Variants in C1orf87 observed in about 807,000 individuals in gnomAD.
C1orf87 encodes uncharacterized protein C1orf87.
C1orf87 carries 58 observed loss-of-function variants against 60.5 expected under a neutral mutation model. The observed-to-expected ratio is 0.96, with a 90% CI of 0.78 to 1.19. The LOEUF is 1.19. C1orf87 is among the 50% of genes most tolerant of loss of function. The pLI is 0.00. For synonymous variants in C1orf87, 236 were observed against 227.4 expected (o/e 1.04, Z -0.34); for missense variants, 673 against 638.6 (o/e 1.05, Z -0.58).
At chr1:60,003,534 A>G (rs1645022642) in intron 9 of C1orf87, among the ~76,000 whole-genome samples, 1 of 152,132 alleles carries the variant, frequency 6.6e-6, no homozygotes, top group South Asian at 2.1e-4. Context: ...GCGACTGTTC[A>G]GTGAATGTTA....
chr1:60,023,800 A>T lies in C1orf87; in HGVS notation c.1127+1601T>A, dbSNP rs200639213. On this transcript the variant is annotated intron_variant, in intron 8 of 11. Transcript: ENST00000371201. ...TTCTTATGTTCTTGTTGGCTGGGACAGTTACTCAGATCTTCCTCATTTTTA... is the reference window on the plus strand; with the variant it reads ...TTCTTATGTTCTTGTTGGCTGGGACTGTTACTCAGATCTTCCTCATTTTTA... Among the ~76,000 whole-genome samples, 8 of 152,184 alleles carry T rather than the reference A, an allele frequency of 5.3e-5. No homozygotes were observed. The East Asian group carries it at 1.5e-3, about 29-fold the overall frequency.
intron 3 of C1orf87, among the ~76,000 whole-genome samples, chr1:60,044,786 A>G (rs1178084254): frequency 6.6e-6 from 1 of 152,204 alleles, no homozygotes; most frequent in Non-Finnish European, 1.5e-5. Context: ...TTGTCAGAGC[A>G]CCTATGAAGT....
intron 8 of C1orf87, among the ~76,000 whole-genome samples, chr1:60,014,784 G>A (rs1223507235): frequency 6.6e-6 from 1 of 151,962 alleles, no homozygotes; most frequent in East Asian, 1.9e-4. Flanking sequence ...ACTTATTTTT[G>A]CTTGGCTTTT....
chr1:59,994,965 T>C (rs1292959329), intron 11 of C1orf87, among the ~76,000 whole-genome samples: 1 of 152,188 alleles, frequency 6.6e-6, no homozygotes, highest in African/African-American at 2.4e-5. Context: ...AAGACAGTTG[T>C]AGATTTTCCC....
intron 3 of C1orf87, 21 bp from the exon 4 acceptor site, chr1:60,041,152 G>C: frequency 6.6e-7 from 1 of 1,520,910 alleles, no homozygotes; most frequent in Non-Finnish European, 8.9e-7. Context: ...CAAGGACAAA[G>C]GGAAGCAAGG....
rs1347451079 is a variant in C1orf87 at position 60,033,470 on chromosome 1, G to C, written c.1029+6C>G. 7 of 1,611,378 alleles carry C rather than the reference G, an allele frequency of 4.3e-6. No homozygotes were observed. Among genetic ancestry groups the C allele is most frequent in the Admixed American group, 1.7e-5 (1 of 59,850 alleles). ...AGGAACAAATCTGAAATTGAATTTT[G>C]GTTACCTTAGGTAGAGGGAGGCAGC... On this transcript the variant is annotated splice_donor_region_variant and intron_variant, in intron 7 of 11. Transcript: ENST00000371201.
chr1:60,065,631 C>T (rs1253652258), intron 2 of C1orf87, among the ~76,000 whole-genome samples: 2 of 151,980 alleles, frequency 1.3e-5, no homozygotes, highest in African/African-American at 2.4e-5. Flanking sequence ...AGTAGGTGCT[C>T]AGTTAATATT....
At chr1:60,012,807 G>A (rs182546612) in intron 8 of C1orf87, among the ~76,000 whole-genome samples, 6 of 152,264 alleles carry the variant, frequency 3.9e-5, no homozygotes, top group South Asian at 4.1e-4. Flanking sequence ...GGGCATGTAA[G>A]TGACTTGTCC....
At chr1:60,030,474 A>T (rs1268221745) in intron 7 of C1orf87, among the ~76,000 whole-genome samples, 1 of 152,168 alleles carries the variant, frequency 6.6e-6, no homozygotes, top group African/African-American at 2.4e-5. Flanking sequence ...GGCTATCAGT[A>T]AGGGGACTCC....
intron 5 of C1orf87, among the ~76,000 whole-genome samples, chr1:60,038,970 A>G (rs1022488614): frequency 5.3e-5 from 8 of 152,200 alleles, no homozygotes; most frequent in Non-Finnish European, 1.2e-4. Flanking sequence ...TGAACTGAAT[A>G]TTCATATGGG....
At chr1:60,019,144 A>G (rs1057250661) in intron 8 of C1orf87, among the ~76,000 whole-genome samples, 1 of 152,094 alleles carries the variant, frequency 6.6e-6, no homozygotes, top group Non-Finnish European at 1.5e-5. Flanking sequence ...CCATGTGTTG[A>G]AGGAGGGGCC....
chr1:60,061,076 A>C (rs1031826708), intron 2 of C1orf87, among the ~76,000 whole-genome samples: 5 of 152,198 alleles, frequency 3.3e-5, no homozygotes, highest in Non-Finnish European at 5.9e-5. Context: ...CAGCATAAAC[A>C]GTTCTGTCTC....
At chr1:60,070,164 A>G (rs1235741941) in intron 2 of C1orf87, among the ~76,000 whole-genome samples, 1 of 152,190 alleles carries the variant, frequency 6.6e-6, no homozygotes, top group Non-Finnish European at 1.5e-5. Flanking sequence ...ACACTATTAC[A>G]GCAGCCCTAG....
rs1022309280 is a variant in C1orf87 at position 60,023,373 on chromosome 1, T to C, written c.1127+2028A>G. The stretch of plus-strand genomic sequence containing the variant: ...ACAAGGCCCAGTGATGCTCTGTTAG[T>C]TTTTCCTTCATTTTTTCACACTGAG... On this transcript the variant is annotated intron_variant, in intron 8 of 11. Coordinates refer to ENST00000371201, the MANE Select transcript of C1orf87 (RefSeq NM_152377.3). Among the ~76,000 whole-genome samples the C allele has an allele frequency of 2.0e-5, 3 of 152,130 alleles. No homozygotes were observed. In the East Asian group the frequency reaches 5.8e-4, roughly 29 times the overall value.
intron 9 of C1orf87, among the ~76,000 whole-genome samples, chr1:60,005,992 A>G (rs1162529558): frequency 2.0e-5 from 3 of 151,880 alleles, no homozygotes; most frequent in Admixed American, 6.6e-5. Context: ...TGGTATCCCA[A>G]TCACAGTCTT....
intron 11 of C1orf87, among the ~76,000 whole-genome samples, chr1:59,991,738 T>C (rs1644924988): frequency 1.3e-5 from 2 of 152,206 alleles, no homozygotes; most frequent in Non-Finnish European, 2.9e-5. Context: ...GGATATGCTC[T>C]GGTACCCACA....
intron 8 of C1orf87, among the ~76,000 whole-genome samples, chr1:60,013,366 T>A (rs1419915587): frequency 6.6e-6 from 1 of 152,100 alleles, no homozygotes; most frequent in East Asian, 1.9e-4. Flanking sequence ...TGACATTACA[T>A]ATTGATTCCT....
chr1:60,064,676 AAT>A lies in C1orf87; in HGVS notation c.107+7859_107+7860del, dbSNP rs1398254566. On this transcript the variant is annotated intron_variant, in intron 2 of 11. Transcript: ENST00000371201. ...TATATTAAATATATAATTATATATA[AAT>A]ATATATTTATATATAAATATATTAT... Among the ~76,000 whole-genome samples the A allele has an allele frequency of 6.3e-4, 68 of 107,490 alleles. 1 individual carries two copies. Among genetic ancestry groups the A allele is most frequent in the Non-Finnish European group, 1.1e-3 (62 of 57,582 alleles). The allele number at this position is 107,490 out of a possible 152,430, so 70.5% of individuals were successfully genotyped here. A position where few individuals can be genotyped will look rare whatever the true frequency, so the allele number is the denominator to read the frequency against.
At position 59,998,533 on chromosome 1, in the gene C1orf87, G is replaced by A. The variant is rs1190052694; in HGVS notation, c.1273-717C>T. Among the ~76,000 whole-genome samples, 5 of 151,968 alleles carry A rather than the reference G, an allele frequency of 3.3e-5. No individual in the cohort carries two copies. The East Asian group carries it at 9.7e-4, about 29-fold the overall frequency. On this transcript the variant is annotated intron_variant, in intron 10 of 11. Transcript: ENST00000371201. ...CTGATCTTTACCATGTGCAGTGAGTGGGCATCTATTATTTGATCTGCCCAG... is the reference window on the plus strand; with the variant it reads ...CTGATCTTTACCATGTGCAGTGAGTAGGCATCTATTATTTGATCTGCCCAG...
Sources: allele counts gnomAD v4.1 joint callset (sites outside exome capture counted in the v4.1 genomes callset), GRCh38; gene constraint gnomAD v4.1.1; transcripts MANE v1.5; gene names NCBI Gene and HGNC (gene_info 2026-07-23, HGNC 2026-07-21).